Variants in CCDC178 observed in about 807,000 individuals in gnomAD.
CCDC178 encodes coiled-coil domain-containing protein 178.
Under a neutral mutation model 117.4 loss-of-function variants are expected in CCDC178, and 126 were observed. The ratio of observed to expected loss-of-function variants is 1.07; its 90% CI spans 0.93 to 1.24. CCDC178 has a LOEUF of 1.24. CCDC178 is among the 50% of genes most tolerant of loss of function. The probability of loss-of-function intolerance (pLI) is 0.00; values close to 1 mark genes in which losing one functional copy is unlikely to be tolerated. For missense variants in CCDC178, 1,030 were observed against 986.9 expected, an observed-to-expected ratio of 1.04 and a Z score of -0.59; for synonymous variants, 283 against 313.4, an observed-to-expected ratio of 0.90 and a Z score of 1.02.
At chr18:33,247,138 GAA>G (rs992774897) in intron 14 of CCDC178, among the ~76,000 whole-genome samples, 16 of 151,204 alleles carry the variant, frequency 1.1e-4, no homozygotes, top group African/African-American at 2.7e-4. Flanking sequence ...GACAGAGAGA[GAA>G]AAGAGACCTG....
At chr18:33,422,359 T>G (rs895342661) in intron 2 of CCDC178, among the ~76,000 whole-genome samples, 13 of 152,182 alleles carry the variant, frequency 8.5e-5, no homozygotes, top group Non-Finnish European at 1.8e-4. Flanking sequence ...TGGCCAATTA[T>G]TCTATTTTCT....
intron 20 of CCDC178, among the ~76,000 whole-genome samples, chr18:33,102,945 T>C (rs926600877): frequency 6.6e-6 from 1 of 151,826 alleles, no homozygotes; most frequent in Admixed American, 6.6e-5. Flanking sequence ...GTTAAGTAAT[T>C]GCAATAGAGA....
At chr18:33,247,193 T>A (rs138852338) in intron 14 of CCDC178, among the ~76,000 whole-genome samples, 1 of 151,792 alleles carries the variant, frequency 6.6e-6, no homozygotes, top group East Asian at 2.0e-4. Context: ...CCAAAACATA[T>A]TAAGAAATAT....
intron 21 of CCDC178, among the ~76,000 whole-genome samples, chr18:33,022,222 G>C (rs2056137242): frequency 6.6e-6 from 1 of 152,050 alleles, no homozygotes; most frequent in African/African-American, 2.4e-5. Flanking sequence ...GTATTTTGGA[G>C]GGCTGTTTCC....
rs9946226 is a variant in CCDC178, at chr18:33,123,712, T to C, written c.2239-30802A>G. Reference sequence around the variant, plus strand: ...TGTCAGCAATCGTTGTGTATAGTTATAGTCGATGTCAAATTCTATCAAATT... The same window carrying C: ...TGTCAGCAATCGTTGTGTATAGTTACAGTCGATGTCAAATTCTATCAAATT... On this transcript the variant is annotated intron_variant, in intron 20 of 22. Transcript: ENST00000383096. 7.7e-3 allele frequency among the ~76,000 whole-genome samples: 1,175 copies of C among 152,264 alleles called. 11 individuals are homozygous for C. The highest frequency in any genetic ancestry group is 0.026 in the African/African-American group (1,093 of 41,552).
At chr18:33,199,336 C>A (rs1468294118) in intron 20 of CCDC178, among the ~76,000 whole-genome samples, 5 of 152,156 alleles carry the variant, frequency 3.3e-5, no homozygotes, top group African/African-American at 1.2e-4. Flanking sequence ...ATTGCCCTGC[C>A]ACTCAATGGT....
intron 7 of CCDC178, among the ~76,000 whole-genome samples, chr18:33,351,403 G>A (rs1382481189): frequency 3.3e-5 from 5 of 152,092 alleles, no homozygotes; most frequent in African/African-American, 1.2e-4. Context: ...ATATTGGCAA[G>A]GCTGGTCTCA....
intron 22 of CCDC178, 163 bp from the exon 23 acceptor site, chr18:32,938,254 G>C: frequency 1.8e-6 from 1 of 566,544 alleles, no homozygotes; most frequent in Admixed American, 3.1e-5. Flanking sequence ...AAACCCCAAG[G>C]AAGAGTGATT....
At chr18:32,979,933 A>T (rs1334510526) in intron 21 of CCDC178, among the ~76,000 whole-genome samples, 1 of 152,244 alleles carries the variant, frequency 6.6e-6, no homozygotes, top group Non-Finnish European at 1.5e-5. Flanking sequence ...AACATATGAC[A>T]GAGATATCAC....
At chr18:33,315,078 G>C (rs966881689) in intron 11 of CCDC178, among the ~76,000 whole-genome samples, 2 of 152,090 alleles carry the variant, frequency 1.3e-5, no homozygotes, top group African/African-American at 4.8e-5. Context: ...GATAGCAGGT[G>C]GTCTCATAGC....
chr18:33,093,446 C>T (rs2057497865), intron 20 of CCDC178, among the ~76,000 whole-genome samples: 1 of 151,990 alleles, frequency 6.6e-6, no homozygotes, highest in African/African-American at 2.4e-5. Context: ...AATTTAGAAG[C>T]ACCCAGCATC....
chr18:33,384,849 A>T (rs1239240036), intron 5 of CCDC178, among the ~76,000 whole-genome samples: 1 of 152,202 alleles, frequency 6.6e-6, no homozygotes, highest in Non-Finnish European at 1.5e-5. Flanking sequence ...GACAGGATCA[A>T]ATTCACACAT....
chr18:33,012,056 G>A (rs2055882400), intron 21 of CCDC178, among the ~76,000 whole-genome samples: 2 of 152,062 alleles, frequency 1.3e-5, no homozygotes, highest in African/African-American at 2.4e-5. Flanking sequence ...AATTAAGTGG[G>A]GAAATTTGTG....
chr18:33,283,400 A>G (rs1480298022), intron 12 of CCDC178, among the ~76,000 whole-genome samples: 1 of 152,230 alleles, frequency 6.6e-6, no homozygotes, highest in African/African-American at 2.4e-5. Context: ...CAATTGCCAC[A>G]AAACTAAAAA....
chr18:33,436,182 A>G (rs2064287715), intron 2 of CCDC178, among the ~76,000 whole-genome samples: 1 of 152,208 alleles, frequency 6.6e-6, no homozygotes, highest in African/African-American at 2.4e-5. Flanking sequence ...AAGAGAAAGG[A>G]GTTGCAACCT....
chr18:33,096,687 CAT>C (rs2057548512), intron 20 of CCDC178, among the ~76,000 whole-genome samples: 1 of 152,068 alleles, frequency 6.6e-6, no homozygotes, highest in South Asian at 2.1e-4. Context: ...GGGACACTAA[CAT>C]AGCCGGTGCC....
intron 12 of CCDC178, among the ~76,000 whole-genome samples, chr18:33,282,433 G>T (rs1485000008): frequency 6.6e-6 from 1 of 152,232 alleles, no homozygotes; most frequent in South Asian, 2.1e-4. Flanking sequence ...CTGCAAGCTG[G>T]TCCTGCACAT....
intron 2 of CCDC178, among the ~76,000 whole-genome samples, chr18:33,416,861 C>A (rs1393548307): frequency 6.6e-6 from 1 of 152,070 alleles, no homozygotes; most frequent in African/African-American, 2.4e-5. Flanking sequence ...CCCACCCTTG[C>A]CCAGCAGTAA....
chr18:33,077,412 A>G (rs775914005), intron 21 of CCDC178, among the ~76,000 whole-genome samples: 27 of 152,182 alleles, frequency 1.8e-4, no homozygotes, highest in Non-Finnish European at 3.1e-4. Flanking sequence ...ATCTTTACTG[A>G]GGTAGCTGAG....
Sources: allele counts gnomAD v4.1 joint callset (sites outside exome capture counted in the v4.1 genomes callset), GRCh38; gene constraint gnomAD v4.1.1; transcripts MANE v1.5; gene names NCBI Gene and HGNC (gene_info 2026-07-23, HGNC 2026-07-21).